Variants in TMEM232 observed in about 807,000 individuals in gnomAD.
TMEM232 encodes transmembrane protein 232.
A neutral mutation model predicts 78.8 loss-of-function variants in TMEM232; 80 were observed. The observed-to-expected ratio is 1.01, with a 90% CI of 0.85 to 1.22. TMEM232 has a LOEUF of 1.22. Among genes scored for constraint, TMEM232 ranks in the 50% most tolerant of loss-of-function variants. The probability of loss-of-function intolerance (pLI) is 0.00; values close to 1 mark genes in which losing one functional copy is unlikely to be tolerated. For synonymous variants in TMEM232, 297 were observed against 254.3 expected (o/e 1.17, Z -1.60); for missense variants, 881 against 742.2 (o/e 1.19, Z -2.17).
At chr5:110,443,392 G>C (rs1012854604) in intron 12 of TMEM232, among the ~76,000 whole-genome samples, 3 of 152,106 alleles carry the variant, frequency 2.0e-5, no homozygotes, top group African/African-American at 7.2e-5. Context: ...AATTCTGCCA[G>C]GCCACCACTG....
intron 1 of TMEM232, among the ~76,000 whole-genome samples, chr5:110,707,778 A>G (rs1796079147): frequency 6.6e-6 from 1 of 152,180 alleles, no homozygotes; most frequent in African/African-American, 2.4e-5. Context: ...AGAACAGGAG[A>G]GTGAAGAGTA....
chr5:110,575,204 G>C (rs865952287), intron 10 of TMEM232, among the ~76,000 whole-genome samples: 2 of 151,840 alleles, frequency 1.3e-5, no homozygotes, highest in South Asian at 4.2e-4. Context: ...ATATATATTA[G>C]TGAAATTGTT....
chr5:110,611,015 G>A (rs886243210), intron 8 of TMEM232, among the ~76,000 whole-genome samples: 1 of 152,030 alleles, frequency 6.6e-6, no homozygotes, highest in Non-Finnish European at 1.5e-5. Flanking sequence ...ATGGCTGCAG[G>A]TGAGTAGAAG....
At chr5:110,476,715 C>G (rs1045969620) in intron 12 of TMEM232, among the ~76,000 whole-genome samples, 1 of 152,052 alleles carries the variant, frequency 6.6e-6, no homozygotes, top group African/African-American at 2.4e-5. Flanking sequence ...TACCTCAAGT[C>G]TGCTAGCATT....
intron 1 of TMEM232, among the ~76,000 whole-genome samples, chr5:110,694,615 C>G (rs976036459): frequency 6.6e-6 from 1 of 151,960 alleles, no homozygotes; most frequent in African/African-American, 2.4e-5. Context: ...GGAAGATCTA[C>G]CAAGCAAATG....
intron 11 of TMEM232, among the ~76,000 whole-genome samples, chr5:110,555,228 T>C (rs933444121): frequency 6.6e-6 from 1 of 152,182 alleles, no homozygotes; most frequent in African/African-American, 2.4e-5. Context: ...TTTTCATAAG[T>C]CTTGAAAAAT....
intron 1 of TMEM232, among the ~76,000 whole-genome samples, chr5:110,702,522 C>G (rs1795532218): frequency 6.6e-6 from 1 of 151,990 alleles, no homozygotes; most frequent in South Asian, 2.1e-4. Flanking sequence ...TTCTTAAGTA[C>G]TCTTACTCTC....
At chr5:110,458,822 A>T (rs1435507062) in intron 12 of TMEM232, among the ~76,000 whole-genome samples, 1 of 152,156 alleles carries the variant, frequency 6.6e-6, no homozygotes, top group Admixed American at 6.5e-5. Context: ...TAATGAGTTT[A>T]TTGTTTTTGC....
At chr5:110,636,742 C>G (rs989911426) in intron 5 of TMEM232, among the ~76,000 whole-genome samples, 1 of 151,874 alleles carries the variant, frequency 6.6e-6, no homozygotes, top group Admixed American at 6.6e-5. Flanking sequence ...CATGAATAAT[C>G]CTCTTAGGAT....
intron 1 of TMEM232, among the ~76,000 whole-genome samples, chr5:110,721,432 G>C (rs1399174715): frequency 6.6e-6 from 1 of 151,256 alleles, no homozygotes; most frequent in Non-Finnish European, 1.5e-5. Flanking sequence ...TAATGTCTAG[G>C]GTTCTGATAA....
Position 110,685,203 on chromosome 5 carries a change from T to C in TMEM232, c.-12-17839A>G, listed in dbSNP as rs75621982. ...AAATACTACATATAAAAACTTATGATGTGCAAGAAAATGGCACTTCAGAGG... is the reference window on the plus strand; with the variant it reads ...AAATACTACATATAAAAACTTATGACGTGCAAGAAAATGGCACTTCAGAGG... On this transcript the variant is annotated intron_variant, in intron 1 of 13. Transcript: ENST00000455884. Among the ~76,000 whole-genome samples the C allele has an allele frequency of 5.6e-3, 854 of 152,256 alleles. 5 individuals are homozygous for C. The highest frequency in any genetic ancestry group is 0.019 in the African/African-American group (803 of 41,556).
In TMEM232 at chr5:110,657,036, T is replaced by A. The variant is rs550042045; in HGVS notation, c.125+10192A>T. 7.2e-5 allele frequency among the ~76,000 whole-genome samples: 11 copies of A among 152,256 alleles called. No homozygotes were observed. The East Asian group carries it at 2.1e-3, about 29-fold the overall frequency. On this transcript the variant is annotated intron_variant, in intron 2 of 13. Transcript: ENST00000455884. ...GGGGTAAGTGCCATATCCATCACTT[T>A]CAATATTTATCATTTCTTTGTGGTC...
chr5:110,559,656 A>G (rs775269046), intron 11 of TMEM232, among the ~76,000 whole-genome samples: 1 of 152,172 alleles, frequency 6.6e-6, no homozygotes, highest in Non-Finnish European at 1.5e-5. Context: ...TGTCTACGTT[A>G]AAAAGGCTGA....
chr5:110,554,115 T>C (rs1187362638), intron 11 of TMEM232, among the ~76,000 whole-genome samples: 1 of 152,198 alleles, frequency 6.6e-6, no homozygotes, highest in African/African-American at 2.4e-5. Flanking sequence ...TACAAAGTAT[T>C]GATCCTGGGT....
chr5:110,668,494 T>C (rs1273118957), intron 1 of TMEM232, among the ~76,000 whole-genome samples: 1 of 152,026 alleles, frequency 6.6e-6, no homozygotes, highest in Non-Finnish European at 1.5e-5. Flanking sequence ...TGAAGAAGAA[T>C]GGAAAGCAGA....
intron 10 of TMEM232, among the ~76,000 whole-genome samples, chr5:110,601,171 C>T (rs1780839880): frequency 1.3e-5 from 2 of 152,032 alleles, no homozygotes; most frequent in African/African-American, 4.8e-5. Context: ...CAATAAGAGC[C>T]ATCAGTAACA....
intron 2 of TMEM232, among the ~76,000 whole-genome samples, chr5:110,398,821 T>C (rs1257731440): frequency 6.6e-6 from 1 of 152,150 alleles, no homozygotes; most frequent in Non-Finnish European, 1.5e-5. Context: ...TGTTGTTTGA[T>C]AATATAGCAA....
chr5:110,632,318 T>A (rs142167848), intron 5 of TMEM232, among the ~76,000 whole-genome samples: 3,689 of 151,724 alleles, frequency 0.024, 47 homozygotes, highest in African/African-American at 0.032. Flanking sequence ...GTTTACACAG[T>A]TATCAACGTA....
At chr5:110,707,079 G>C (rs1355184551) in intron 1 of TMEM232, among the ~76,000 whole-genome samples, 1 of 152,164 alleles carries the variant, frequency 6.6e-6, no homozygotes, top group Non-Finnish European at 1.5e-5. Flanking sequence ...AATTGTAAAA[G>C]TGGAAGCAAG....
Sources: allele counts gnomAD v4.1 joint callset (sites outside exome capture counted in the v4.1 genomes callset), GRCh38; gene constraint gnomAD v4.1.1; transcripts MANE v1.5; gene names NCBI Gene and HGNC (gene_info 2026-07-23, HGNC 2026-07-21).